RGS7: variants seen among roughly 807,000 people sequenced by gnomAD.
RGS7 encodes the protein regulator of G protein signaling 7.
Under a neutral mutation model 81.1 loss-of-function variants are expected in RGS7, and 27 were observed. The ratio of observed to expected loss-of-function variants is 0.33; its 90% CI spans 0.25 to 0.46. The LOEUF (loss-of-function observed/expected upper bound fraction) is 0.46. Among genes scored for constraint, RGS7 ranks in the 20% least tolerant of loss-of-function variants. The pLI is 1.00. For missense variants in RGS7, 396 were observed against 607.4 expected (o/e 0.65, Z 3.66); for synonymous variants, 208 against 207.7 (o/e 1.00, Z -0.01).
At chr1:240,967,478 C>T (rs948702751) in intron 4 of RGS7, among the ~76,000 whole-genome samples, 13 of 149,608 alleles carry the variant, frequency 8.7e-5, no homozygotes, top group East Asian at 7.9e-4. Flanking sequence ...TGAGAGATCA[C>T]GGAGGAAGTC....
chr1:241,028,242 G>C (rs923833093), intron 3 of RGS7, among the ~76,000 whole-genome samples: 7 of 152,216 alleles, frequency 4.6e-5, no homozygotes, highest in African/African-American at 1.2e-4. Context: ...GATGCCGATG[G>C]ATAGAGTTTT....
At position 241,004,252 on chromosome 1, in the gene RGS7, C is replaced by T. The variant is rs115756399; in HGVS notation, c.176-21123G>A. On this transcript the variant is annotated intron_variant, in intron 3 of 18. Transcript: ENST00000440928. ...CATTATAAACTTGCAGTTGCCATCC[C>T]CAGCCTTTCTTACTGCTGCTTGGTA... is the stretch of plus-strand genomic sequence containing the variant. 2.2e-3 allele frequency among the ~76,000 whole-genome samples: 337 copies of T among 152,230 alleles called. 2 individuals carry two copies. The highest frequency in any genetic ancestry group is 7.8e-3 in the African/African-American group (322 of 41,540).
chr1:240,813,363 A>T (rs977614868), intron 13 of RGS7, among the ~76,000 whole-genome samples: 3 of 152,178 alleles, frequency 2.0e-5, no homozygotes, highest in Non-Finnish European at 4.4e-5. Flanking sequence ...GAAGATCCTA[A>T]CTCTGACTAA....
chr1:241,354,321 A>G (rs1481448981), intron 2 of RGS7, among the ~76,000 whole-genome samples: 1 of 152,208 alleles, frequency 6.6e-6, no homozygotes, highest in Non-Finnish European at 1.5e-5. Flanking sequence ...CAATACTAAT[A>G]ATTTAAACTC....
At chr1:241,035,046 G>C (rs2060258151) in intron 3 of RGS7, among the ~76,000 whole-genome samples, 1 of 152,088 alleles carries the variant, frequency 6.6e-6, no homozygotes, top group Non-Finnish European at 1.5e-5. Context: ...AGATTGTGAA[G>C]GTTTTTTCAT....
chr1:241,238,966 C>CTCTTTTTT (rs397786851), intron 2 of RGS7, among the ~76,000 whole-genome samples: 2 of 106,620 alleles, frequency 1.9e-5, no homozygotes, highest in Non-Finnish European at 3.6e-5. Flanking sequence ...GCCTCTCTCT[C>CTCTTTTTT]TTTTTTTTTT....
At chr1:240,972,716 A>AC (rs2148515518) in intron 4 of RGS7, among the ~76,000 whole-genome samples, 1 of 111,930 alleles carries the variant, frequency 8.9e-6, no homozygotes, top group African/African-American at 3.4e-5. Flanking sequence ...AAAAACAAAA[A>AC]AAAAAACCCA....
intron 18 of RGS7, among the ~76,000 whole-genome samples, chr1:240,799,857 C>A (rs201955399): frequency 6.6e-6 from 1 of 152,248 alleles, no homozygotes; most frequent in East Asian, 1.9e-4. Context: ...GTCCTCCCTT[C>A]CCCTTGTTTC....
At chr1:241,083,600 T>C (rs565325762) in intron 3 of RGS7, among the ~76,000 whole-genome samples, 14 of 152,294 alleles carry the variant, frequency 9.2e-5, no homozygotes, top group African/African-American at 3.4e-4. Context: ...TTTTTGCAAA[T>C]TGGTCATGTC....
intron 2 of RGS7, among the ~76,000 whole-genome samples, chr1:241,107,604 A>G (rs553083199): frequency 1.5e-3 from 231 of 152,344 alleles, no homozygotes; most frequent in Non-Finnish European, 2.6e-3. Flanking sequence ...CTCTACCTAT[A>G]TAAGTGAAAC....
intron 4 of RGS7, among the ~76,000 whole-genome samples, chr1:240,957,728 T>G (rs1233748579): frequency 1.3e-5 from 2 of 152,216 alleles, no homozygotes; most frequent in Non-Finnish European, 2.9e-5. Flanking sequence ...AAGTATATCG[T>G]ACTAATGTAA....
At chr1:241,028,931 A>G (rs2059928158) in intron 3 of RGS7, among the ~76,000 whole-genome samples, 1 of 152,162 alleles carries the variant, frequency 6.6e-6, no homozygotes, top group African/African-American at 2.4e-5. Context: ...GGGCTTCAAA[A>G]GATACTGTGT....
intron 6 of RGS7, among the ~76,000 whole-genome samples, chr1:240,889,709 TTTG>T (rs199623770): frequency 2.6e-5 from 4 of 152,288 alleles, no homozygotes; most frequent in South Asian, 2.1e-4. Context: ...ACATTAGTTT[TTTG>T]TTGTTGTTCC....
intron 2 of RGS7, among the ~76,000 whole-genome samples, chr1:241,121,064 CACTT>C (rs1223656472): frequency 1.3e-5 from 2 of 152,168 alleles, no homozygotes; most frequent in East Asian, 3.9e-4. Context: ...ATTATGATCT[CACTT>C]ACTCCTTACT....
intron 3 of RGS7, among the ~76,000 whole-genome samples, chr1:241,040,351 C>T (rs2060547242): frequency 6.6e-6 from 1 of 152,090 alleles, no homozygotes; most frequent in East Asian, 1.9e-4. Context: ...ATTTGACATA[C>T]ATAGGCATCG....
At chr1:240,866,594 A>C (rs915823121) in intron 9 of RGS7, among the ~76,000 whole-genome samples, 3 of 151,832 alleles carry the variant, frequency 2.0e-5, no homozygotes, top group Non-Finnish European at 2.9e-5. Flanking sequence ...CCTTGGGATG[A>C]CTTTCTAGTT....
intron 3 of RGS7, among the ~76,000 whole-genome samples, chr1:241,088,806 T>C (rs546484309): frequency 2.3e-4 from 35 of 151,578 alleles, no homozygotes; most frequent in Non-Finnish European, 4.0e-4. Flanking sequence ...GGTCAGGAGA[T>C]CGAGACCATC....
intron 2 of RGS7, among the ~76,000 whole-genome samples, chr1:241,259,665 A>AAAAAAAAAAAAAAAAT (rs2077217813): frequency 1.8e-5 from 1 of 56,740 alleles, no homozygotes; most frequent in Non-Finnish European, 3.4e-5. Flanking sequence ...AAAAAAAAAA[A>AAAAAAAAAAAAAAAAT]AAATATATAT....
intron 3 of RGS7, among the ~76,000 whole-genome samples, chr1:241,032,590 T>C (rs1235249709): frequency 6.6e-6 from 1 of 152,200 alleles, no homozygotes; most frequent in African/African-American, 2.4e-5. Context: ...TAAACAATAT[T>C]GATTCTTCCG....
Sources: allele counts gnomAD v4.1 joint callset (sites outside exome capture counted in the v4.1 genomes callset), GRCh38; gene constraint gnomAD v4.1.1; transcripts MANE v1.5; gene names NCBI Gene and HGNC (gene_info 2026-07-23, HGNC 2026-07-21).